ARAP3: variants seen among roughly 807,000 people sequenced by gnomAD.
ARAP3 encodes arf-GAP with Rho-GAP domain, ANK repeat and PH domain-containing protein 3.
In ARAP3, 82 loss-of-function variants were observed where a neutral mutation model predicts 169.2. That is an observed-to-expected ratio of 0.48 (90% CI 0.41 to 0.58). ARAP3 has a LOEUF of 0.58. ARAP3 is among the 20% of genes least tolerant of loss of function. The probability of loss-of-function intolerance (pLI) is 0.00; values close to 1 mark genes in which losing one functional copy is unlikely to be tolerated. For missense variants in ARAP3, 1,764 were observed against 2,018.0 expected, an observed-to-expected ratio of 0.87 and a Z score of 2.41; for synonymous variants, 791 against 800.3, an observed-to-expected ratio of 0.99 and a Z score of 0.20.
Position 141,677,386 on chromosome 5 carries a change from T to C in ARAP3, c.698+2159A>G, listed in dbSNP as rs868004259. On this transcript the variant is annotated intron_variant, in intron 4 of 32. Transcript: ENST00000239440. ...CTCAAAGGATACTAGCCGCATTTCA[T>C]AGGCCCAGTAGTCACATGTGGCTAA... is the stretch of plus-strand genomic sequence containing the variant. 1.4e-4 allele frequency among the ~76,000 whole-genome samples: 22 copies of C among 152,350 alleles called. No homozygotes were observed. In the South Asian group the frequency reaches 4.6e-3, roughly 32 times the overall value.
chr5:141,673,796 C>A lies in ARAP3; in HGVS notation c.711G>T (p.Gln237His). The stretch of plus-strand genomic sequence containing the variant: ...CAGCATCCTCCCGTGCCTCCAGATC[C>A]TGTCTGCTGAGCCTTGTGGGGGCCA... ...QGRAEHRLSR[Q>H]DLEAREDAGY... The change falls in exon 5 of 33, where the codon CAG becomes CAT. Residue 237 changes from glutamine to histidine, a missense_variant. This residue lies in a region of ARAP3 where 630 missense variants were observed against 678.7 expected (regional missense o/e 0.93). Coordinates refer to ENST00000239440, the MANE Select transcript of ARAP3 (RefSeq NM_022481.6). The A allele has an allele frequency of 6.2e-7, 1 of 1,614,070 alleles. No homozygotes were observed. Among genetic ancestry groups the A allele is most frequent in the Non-Finnish European group, 8.5e-7 (1 of 1,180,032 alleles).
Position 141,659,312 on chromosome 5 carries a change from A to G in ARAP3, c.3336+96T>C, listed in dbSNP as rs141018946. On this transcript the variant is annotated intron_variant, in intron 23 of 32. Transcript: ENST00000239440. ...GAGCTGAGTGCTAGTGTCCAGAAGG[A>G]CAGGCTGGAAACTTCCTCAACTGGG... is the stretch of plus-strand genomic sequence containing the variant. The G allele has an allele frequency of 7.4e-4, 880 of 1,181,664 alleles. 1 individual carries two copies. The highest frequency in any genetic ancestry group is 1.1e-3 in the Non-Finnish European group (838 of 794,694). 73.2% of individuals were successfully genotyped at this position (1,181,664 alleles called of 1,614,324 possible).
rs1186864480 is a variant in ARAP3, at chr5:141,671,072, G to A, written c.1990+193C>T. On this transcript the variant is annotated intron_variant, in intron 13 of 32. Transcript: ENST00000239440. The surrounding 1 kb of genome is among the most constrained non-coding windows in gnomAD (Gnocchi z 4.9). ...CCAGCACTAGCACCTGGAACACCCAGACCCTCCCCAGCCATGACCGTCATC... is the reference window on the plus strand; with the variant it reads ...CCAGCACTAGCACCTGGAACACCCAAACCCTCCCCAGCCATGACCGTCATC... 1.3e-5 allele frequency among the ~76,000 whole-genome samples: 2 copies of A among 151,446 alleles called. No individual in the cohort carries two copies. Among genetic ancestry groups the A allele is most frequent in the Non-Finnish European group, 2.9e-5 (2 of 68,040 alleles).
chr5:141,669,987 G>A lies in ARAP3; in HGVS notation c.2184C>T (p.Ser728=), dbSNP rs926142084. 8.1e-6 allele frequency: 13 copies of A among 1,598,916 alleles called. No homozygotes were observed. Among genetic ancestry groups the A allele is most frequent in the Non-Finnish European group, 1.0e-5 (12 of 1,176,184 alleles). ...ATACAATATCCTGGGGCTGTATGAG[G>A]CTGAGGGGTTCAGGGCTGTTTTCCG... ...FASENSPEPL[S]LIQPQDIVCL... Residue 728 remains serine (S), a synonymous_variant, in exon 15 of 33, where the codon AGC becomes AGT. Transcript: ENST00000239440.
Position 141,671,691 on chromosome 5 carries a change from C to T in ARAP3, c.1733G>A (p.Gly578Asp), listed in dbSNP as rs1435665077. Residue 578 changes from glycine (G) to aspartate (D), a missense_variant, in exon 12 of 33, where the codon GGT becomes GAT. Coordinates refer to ENST00000239440, the MANE Select transcript of ARAP3 (RefSeq NM_022481.6). This position sits in a 1 kb window ranked among gnomAD's most constrained non-coding sequence, Gnocchi z 4.9. Reference protein sequence around the residue: ...NRFWAGTLPPGEGLHPDATPG... With the variant: ...NRFWAGTLPPDEGLHPDATPG... Reference sequence around the variant, plus strand: ...GGTCGCATCTGGATGTAGTCCCTCACCTGGGGGTAGGGTCCCTGCCCAGAA... The same window carrying T: ...GGTCGCATCTGGATGTAGTCCCTCATCTGGGGGTAGGGTCCCTGCCCAGAA... 5.0e-6 allele frequency: 8 copies of T among 1,612,842 alleles called. No individual in the cohort carries two copies. The highest frequency in any genetic ancestry group is 6.8e-6 in the Non-Finnish European group (8 of 1,179,356).
In ARAP3 at chr5:141,655,634, G is replaced by A. The variant is rs778718658; in HGVS notation, c.4097C>T (p.Ala1366Val). 6.2e-7 allele frequency: 1 copy of A among 1,614,036 alleles called. No individual in the cohort carries two copies. Among genetic ancestry groups the A allele is most frequent in the Non-Finnish European group, 8.5e-7 (1 of 1,179,934 alleles). Residue 1366 changes from alanine to valine, a missense_variant, in exon 31 of 33, where the codon GCC becomes GTC. Transcript: ENST00000239440. ...GDDSGATLLSANQTLRRLHNR... is the reference protein window; with the variant it reads ...GDDSGATLLSVNQTLRRLHNR... ...GGGGTGCCTTACCAGGGTCTGATTG[G>A]CAGAGAGGAGGGTGGCTCCACTGTC...
rs1369400161 is a variant in ARAP3 at position 141,680,422 on chromosome 5, G to A, written c.65C>T (p.Ala22Val). The A allele has an allele frequency of 9.9e-6, 16 of 1,612,906 alleles. No homozygotes were observed. Among genetic ancestry groups the A allele is most frequent in the Non-Finnish European group, 8.5e-7 (1 of 1,179,982 alleles). Residue 22 changes from alanine (A) to valine (V), a missense_variant, in exon 2 of 33, where the codon GCA (alanine) becomes GTA (valine). This residue lies in a region of ARAP3 where 630 missense variants were observed against 678.7 expected (regional missense o/e 0.93). Transcript: ENST00000239440. ...WLATVHLEQY[A>V]DTFRRHGLAT... ...CAGGCCATGCCGTCGGAACGTGTCT[G>A]CATACTGCTCCAGGTGCACCGTGGC...
At position 141,655,881 on chromosome 5, in the gene ARAP3, G is replaced by A. The variant is rs267600461; in HGVS notation, c.3960C>T (p.Ile1320=). 1.9e-6 allele frequency: 3 copies of A among 1,613,886 alleles called. No individual in the cohort carries two copies. Among genetic ancestry groups the A allele is most frequent in the Admixed American group, 1.7e-5 (1 of 59,996 alleles). Residue 1320 remains isoleucine, a synonymous_variant, in exon 30 of 33, where the codon ATC becomes ATT. Coordinates refer to ENST00000239440, the MANE Select transcript of ARAP3 (RefSeq NM_022481.6). The part of the protein sequence containing the change: ...EDEMWDWTTS[I]LKAQHDDQQP... ...TCTTTCCCCTCACCTGGGCTTTAAG[G>A]ATGCTGGTGGTCCAATCCCACATTT... is the stretch of plus-strand genomic sequence containing the variant.
chr5:141,665,197 T>C (rs546546194), intron 18 of ARAP3, 112 bp from the exon 19 acceptor site: 1 of 1,564,496 alleles, frequency 6.4e-7, no homozygotes, highest in South Asian at 1.2e-5. Flanking sequence ...CAAATCATCC[T>C]GGAGCAAGGG....
intron 13 of ARAP3, 70 bp from the exon 14 acceptor site, chr5:141,670,698 G>A: frequency 7.5e-7 from 1 of 1,325,732 alleles, no homozygotes; most frequent in Non-Finnish European, 1.1e-6. Context: ...TCTGGGGAAG[G>A]GATGAAATGG....
Position 141,671,318 on chromosome 5 carries a change from T to C in ARAP3, c.1937A>G (p.Glu646Gly). ...LLCVEAFEGE[E>G]PWFPPAPDGS... is the part of the protein sequence containing the mutation. ...ATCAGGGGCTGGGGGGAACCAGGGCTCCTCGCCTTCAAAGGCCTCAACACA... is the reference window on the plus strand; with the variant it reads ...ATCAGGGGCTGGGGGGAACCAGGGCCCCTCGCCTTCAAAGGCCTCAACACA... Residue 646 changes from glutamate (E) to glycine (G), a missense_variant, in exon 13 of 33, where the codon GAG becomes GGG. Coordinates refer to ENST00000239440, the MANE Select transcript of ARAP3 (RefSeq NM_022481.6). This position sits in a 1 kb window ranked among gnomAD's most constrained non-coding sequence, Gnocchi z 4.9. 6.2e-7 allele frequency: 1 copy of C among 1,613,620 alleles called. No individual in the cohort carries two copies.
chr5:141,666,590 C>A lies in ARAP3; in HGVS notation c.2406G>T (p.Leu802=). 1.3e-6 allele frequency: 2 copies of A among 1,515,348 alleles called. No homozygotes were observed. The highest frequency in any genetic ancestry group is 1.8e-6 in the Non-Finnish European group (2 of 1,130,032). The allele number at this position is 1,515,348 out of a possible 1,614,324, so 93.9% of individuals were successfully genotyped here. ...HQLLGPGLLR[L]GRLWLRSPSH... is the part of the protein sequence containing the mutation. ...AGGGGGACCGCAGCCATAGGCGGCC[C>A]AGCCGCAGCAGCCCGGGGCCCAGCA... Residue 802 remains leucine (L), a synonymous_variant, in exon 17 of 33, where the codon CTG becomes CTT. Transcript: ENST00000239440.
At chr5:141,655,975 A>G in intron 29 of ARAP3, 43 bp from the exon 30 acceptor site, 1 of 1,613,824 alleles carries the variant, frequency 6.2e-7, no homozygotes, top group Non-Finnish European at 8.5e-7. Context: ...AGAGGGTCAC[A>G]GCTATAGGAA....
rs779424201 is a variant in ARAP3 at position 141,673,020 on chromosome 5, C to G, written c.1086G>C (p.Glu362Asp). The G allele has an allele frequency of 1.2e-6, 2 of 1,614,200 alleles. No homozygotes were observed. The highest frequency in any genetic ancestry group is 1.7e-6 in the Non-Finnish European group (2 of 1,180,044). ...GGGGGCTGTGGCCCTCACCCTCGCT[C>G]TCTGTGCGGAACACGAACACCCTCT... ...TGQRVFVFRT[E>D]SEAQRDMWCS... The change falls in exon 7 of 33, where the codon GAG (glutamate) becomes GAC (aspartate). Residue 362 changes from glutamate (E) to aspartate (D), a missense_variant. Transcript: ENST00000239440.
chr5:141,655,212 C>T lies in ARAP3; in HGVS notation c.4149+150G>A, dbSNP rs2099909080. The T allele has an allele frequency of 1.5e-5, 10 of 675,806 alleles. No individual in the cohort carries two copies. In the South Asian group the frequency reaches 1.5e-4, roughly 10 times the overall value. 41.9% of individuals were successfully genotyped at this position (675,806 alleles called of 1,614,324 possible). ...ACACACACACACACACACACACACA[C>T]ACCCTGATGGCCTACACACACACAC... On this transcript the variant is annotated intron_variant, in intron 32 of 32. Transcript: ENST00000239440.
chr5:141,656,812 C>G lies in ARAP3; in HGVS notation c.3561G>C (p.Glu1187Asp). The G allele has an allele frequency of 2.5e-6, 4 of 1,613,230 alleles. No homozygotes were observed. Among genetic ancestry groups the G allele is most frequent in the Non-Finnish European group, 2.5e-6 (3 of 1,179,666 alleles). Residue 1187 changes from glutamate to aspartate, a missense_variant, in exon 26 of 33, where the codon GAG becomes GAC. Around this residue, in one of 3 missense-constraint regions of ARAP3, gnomAD observed 1,112 missense variants for 1,285.7 expected, o/e 0.86. Transcript: ENST00000239440. ...GGAGCTGGCACCATTGTAAAGCCTG[C>G]TCTAAGACCTTTTCCTTGGGATGCA... ...RPLHPKEKVL[E>D]QALQWCQLPE...
chr5:141,662,298 T>C (rs751857073), intron 19 of ARAP3, 43 bp from the exon 20 acceptor site: 3 of 1,598,556 alleles, frequency 1.9e-6, no homozygotes, highest in East Asian at 4.5e-5. Flanking sequence ...GTGCAAAGGC[T>C]ACCACCACCC....
At position 141,655,361 on chromosome 5, in the gene ARAP3, C is replaced by A; in HGVS notation, c.4149+1G>T. 4 of 1,579,502 alleles carry A rather than the reference C, an allele frequency of 2.5e-6. No individual in the cohort carries two copies. Among genetic ancestry groups the A allele is most frequent in the Non-Finnish European group, 3.4e-6 (4 of 1,162,326 alleles). ...ACCGCTGGAGCAGGCACAATACTCA[C>A]AAAGAACATGGACAGGGTCCTCCGG... On this transcript the variant is annotated splice_donor_variant, in intron 32 of 32. Transcript: ENST00000239440. LOFTEE classifies it high-confidence loss of function.
At chr5:141,661,341 G>A (rs988920521) in intron 21 of ARAP3, among the ~76,000 whole-genome samples, 1 of 152,184 alleles carries the variant, frequency 6.6e-6, no homozygotes, top group African/African-American at 2.4e-5. Flanking sequence ...GGGATTACAG[G>A]TGTGAGACAC....
Sources: gnomAD v4.1 joint callset for allele counts (sites outside exome capture counted in the v4.1 genomes callset) on GRCh38, gnomAD v4.1.1 for gene constraint, gnomAD v4.1.1 regional missense constraint, Gnocchi (gnomAD v3.1) non-coding constraint, MANE v1.5 for transcripts, NCBI Gene and HGNC (gene_info 2026-07-23, HGNC 2026-07-21) for gene names.